Variants in DIP2C observed in about 807,000 individuals in gnomAD.
The protein encoded by DIP2C is DIP2 acetate--CoA ligase C (putative).
In DIP2C, 33 loss-of-function variants were observed where a neutral mutation model predicts 192.4. The observed-to-expected ratio is 0.17, with a 90% CI of 0.13 to 0.23. The LOEUF (loss-of-function observed/expected upper bound fraction) is 0.23, where lower values mean the gene tolerates loss of function less well. Ranked by LOEUF, DIP2C falls within the 10% of genes least tolerant of loss-of-function variation. DIP2C has a pLI of 1.00. For missense variants in DIP2C, 1,537 were observed against 2,110.1 expected, an observed-to-expected ratio of 0.73 and a Z score of 5.32; for synonymous variants, 979 against 864.1, an observed-to-expected ratio of 1.13 and a Z score of -2.33.
rs1463967014 is a variant in DIP2C at position 487,572 on chromosome 10, T to G, written c.86-1042A>C. Among the ~76,000 whole-genome samples the G allele has an allele frequency of 7.6e-5, 8 of 105,054 alleles. No homozygotes were observed. In the East Asian group the frequency reaches 1.3e-3, roughly 17 times the overall value. The allele number at this position is 105,054 out of a possible 152,430, so 68.9% of individuals were successfully genotyped here. A position where few individuals can be genotyped will look rare whatever the true frequency, so the allele number is the denominator to read the frequency against. ...GCATCCGCCCATCAATGAGTGTTTT[T>G]TTTTTTTTTTTTTTTTTTTTTTTTT... On this transcript the variant is annotated intron_variant, in intron 1 of 36. Coordinates refer to ENST00000280886, the MANE Select transcript of DIP2C (RefSeq NM_014974.3).
chr10:521,376 G>A (rs1158790367), intron 1 of DIP2C, among the ~76,000 whole-genome samples: 1 of 152,174 alleles, frequency 6.6e-6, no homozygotes, highest in Non-Finnish European at 1.5e-5. Context: ...AAGTCTAAGA[G>A]AAGGCCTCAA....
At chr10:353,226 G>A (rs192774599) in intron 24 of DIP2C, among the ~76,000 whole-genome samples, 1 of 151,998 alleles carries the variant, frequency 6.6e-6, no homozygotes, top group Non-Finnish European at 1.5e-5. Flanking sequence ...TTCACTGTCA[G>A]TTTCTGTAAA....
chr10:427,140 G>A (rs1275618902), intron 4 of DIP2C, among the ~76,000 whole-genome samples: 1 of 152,224 alleles, frequency 6.6e-6, no homozygotes, highest in African/African-American at 2.4e-5. Flanking sequence ...AAATCTGAGT[G>A]TCAGCAGAGC....
intron 29 of DIP2C, among the ~76,000 whole-genome samples, chr10:335,394 C>G (rs917436850): frequency 1.3e-5 from 2 of 152,066 alleles, no homozygotes; most frequent in Admixed American, 1.3e-4. Context: ...CCATCAAAAT[C>G]AGAAAACCAA....
In DIP2C at chr10:475,110, G is replaced by GT. The variant is rs1245767000; in HGVS notation, c.158-2562dup. On this transcript the variant is annotated intron_variant, in intron 2 of 36. Coordinates refer to ENST00000280886, the MANE Select transcript of DIP2C (RefSeq NM_014974.3). ...CTCTAACCTGGAGCCTCTGTTGTCA[G>GT]TATCATCCCCAAATCTGGAGCCTCC... Among the ~76,000 whole-genome samples the GT allele has an allele frequency of 5.3e-5, 8 of 152,182 alleles. No individual in the cohort carries two copies. In the East Asian group the frequency reaches 1.5e-3, roughly 29 times the overall value.
chr10:312,194 G>A (rs1316840977), intron 31 of DIP2C, among the ~76,000 whole-genome samples: 3 of 152,170 alleles, frequency 2.0e-5, no homozygotes, highest in Admixed American at 1.3e-4. Context: ...CCCAAACAGA[G>A]ACACCAACTT....
At chr10:578,831 T>C (rs535494191) in intron 1 of DIP2C, among the ~76,000 whole-genome samples, 147 of 152,042 alleles carry the variant, frequency 9.7e-4, no homozygotes, top group African/African-American at 3.4e-3. Flanking sequence ...AGCACACACA[T>C]CCAGATCCAT....
intron 1 of DIP2C, among the ~76,000 whole-genome samples, chr10:554,766 T>TG (rs1265058532): frequency 6.6e-6 from 1 of 152,140 alleles, no homozygotes; most frequent in African/African-American, 2.4e-5. Flanking sequence ...TGCCTGGCAG[T>TG]GGGGAGTGAG....
chr10:475,928 C>T (rs1453051766), intron 2 of DIP2C, among the ~76,000 whole-genome samples: 1 of 152,174 alleles, frequency 6.6e-6, no homozygotes, highest in Admixed American at 6.6e-5. Flanking sequence ...GGAACAGATA[C>T]CTCTGGGTAG....
chr10:669,659 CA>C (rs1411368218), intron 1 of DIP2C: 1 of 152,226 alleles, frequency 6.6e-6, no homozygotes, highest in East Asian at 1.9e-4. Flanking sequence ...CTTAAACTGG[CA>C]AACACCTTGT....
At chr10:396,813 G>A (rs892517799) in intron 10 of DIP2C, among the ~76,000 whole-genome samples, 24 of 65,350 alleles carry the variant, frequency 3.7e-4, no homozygotes, top group African/African-American at 8.8e-4. Context: ...TGGAGTGCTG[G>A]CTGCAAATCC....
intron 1 of DIP2C, among the ~76,000 whole-genome samples, chr10:542,657 A>C (rs1003018351): frequency 6.6e-6 from 1 of 152,206 alleles, no homozygotes; most frequent in Non-Finnish European, 1.5e-5. Context: ...ATCAGATCCC[A>C]GTTCTTATCA....
chr10:487,565 GTGTT>G lies in DIP2C; in HGVS notation c.86-1039_86-1036del, dbSNP rs1844105336. Among the ~76,000 whole-genome samples, 2 of 106,768 alleles carry G rather than the reference GTGTT, an allele frequency of 1.9e-5. 1 individual carries two copies. The highest frequency in any genetic ancestry group is 7.0e-4 in the South Asian group (2 of 2,850). 70.0% of individuals were successfully genotyped at this position (106,768 alleles called of 152,430 possible). ...GGAACCCGCATCCGCCCATCAATGA[GTGTT>G]TTTTTTTTTTTTTTTTTTTTTTTTT... is the stretch of plus-strand genomic sequence containing the variant. On this transcript the variant is annotated intron_variant, in intron 1 of 36. Coordinates refer to ENST00000280886, the MANE Select transcript of DIP2C (RefSeq NM_014974.3).
intron 1 of DIP2C, among the ~76,000 whole-genome samples, chr10:561,591 T>C (rs1055884648): frequency 3.9e-4 from 59 of 152,312 alleles, no homozygotes; most frequent in Admixed American, 1.6e-3. Flanking sequence ...TCTCAGCCAC[T>C]GACCCTCCTG....
chr10:312,712 AAG>A (rs1956615371), intron 31 of DIP2C, among the ~76,000 whole-genome samples: 1 of 152,188 alleles, frequency 6.6e-6, no homozygotes, highest in Non-Finnish European at 1.5e-5. Flanking sequence ...ATGTTTGAAA[AAG>A]AGAGGCAGAG....
chr10:370,459 AC>A (rs1960825024), intron 17 of DIP2C, among the ~76,000 whole-genome samples: 1 of 150,394 alleles, frequency 6.6e-6, no homozygotes, highest in Non-Finnish European at 1.5e-5. Context: ...CTCAGAAAAC[AC>A]CCCCCACCCA....
chr10:417,004 C>G lies in DIP2C; in HGVS notation c.740-1116G>C, dbSNP rs527633283. Among the ~76,000 whole-genome samples, 81 of 152,322 alleles carry G rather than the reference C, an allele frequency of 5.3e-4. 1 individual carries two copies. The highest frequency in any genetic ancestry group is 1.9e-3 in the African/African-American group (78 of 41,588). ...ATCAAGATTTTTTAATAGGTAGTCT[C>G]AAAATGCTCTATAGCACTTTAAGAA... On this transcript the variant is annotated intron_variant, in intron 6 of 36. Transcript: ENST00000280886.
At chr10:341,394 G>A (rs1184092197) in intron 28 of DIP2C, 65 bp from the exon 29 acceptor site, 28 of 1,603,358 alleles carry the variant, frequency 1.7e-5, no homozygotes, top group African/African-American at 2.7e-5. Context: ...GGGACAATAC[G>A]GGGCTGCAGG....
intron 1 of DIP2C, among the ~76,000 whole-genome samples, chr10:520,361 G>GAA (rs1269973243): frequency 6.6e-6 from 1 of 152,244 alleles, no homozygotes; most frequent in Non-Finnish European, 1.5e-5. Context: ...GTTACCTGCA[G>GAA]AAAGTTACTA....
Sources: allele counts gnomAD v4.1 joint callset (sites outside exome capture counted in the v4.1 genomes callset), GRCh38; gene constraint gnomAD v4.1.1; transcripts MANE v1.5; gene names NCBI Gene and HGNC (gene_info 2026-07-23, HGNC 2026-07-21).